RGS20: variants seen among roughly 807,000 people sequenced by gnomAD.
RGS20 encodes the protein gz-selective GTPase-activating protein.
RGS20 carries 30 observed loss-of-function variants against 33.6 expected under a neutral mutation model. The observed-to-expected ratio is 0.89, with a 90% confidence interval of 0.67 to 1.21. RGS20 has a LOEUF of 1.21. Ranked by LOEUF, RGS20 falls within the 50% of genes most tolerant of loss-of-function variation. RGS20 has a pLI of 0.00. For missense variants in RGS20, 472 were observed against 502.4 expected (o/e 0.94, Z 0.58); for synonymous variants, 208 against 197.9 (o/e 1.05, Z -0.43).
intron 1 of RGS20, among the ~76,000 whole-genome samples, chr8:53,875,429 C>CAAAAAAAAAA (rs755991643): frequency 1.8e-5 from 1 of 55,698 alleles, no homozygotes; most frequent in African/African-American, 6.3e-5. Context: ...AAGACTCTGT[C>CAAAAAAAAAA]AAAAAAAAAA....
intron 5 of RGS20, 53 bp downstream of exon 4, chr8:53,954,363 T>C: frequency 1.6e-6 from 2 of 1,259,630 alleles, no homozygotes; most frequent in Non-Finnish European, 2.3e-6. Flanking sequence ...ATTAACTTGG[T>C]GCAAAAGTAA....
In RGS20 at chr8:53,877,840, C is replaced by T. The variant is rs536208255; in HGVS notation, c.166-1418C>T. Among the ~76,000 whole-genome samples, 16 of 152,358 alleles carry T rather than the reference C, an allele frequency of 1.1e-4. No individual in the cohort carries two copies. The highest frequency in any genetic ancestry group is 3.6e-4 in the African/African-American group (15 of 41,592). ...ACTCGCGGCTTCCCAGAAAGGGCCTCATGAATGAGAATGGGTTGCTAGGTT... is the reference window on the plus strand; with the variant it reads ...ACTCGCGGCTTCCCAGAAAGGGCCTTATGAATGAGAATGGGTTGCTAGGTT... On this transcript the variant is annotated intron_variant, in intron 1 of 5. Transcript: ENST00000297313. This position sits in a 1 kb window ranked among gnomAD's most constrained non-coding sequence, Gnocchi z 5.7.
chr8:53,855,586 C>T (rs1030153602), intron 1 of RGS20, among the ~76,000 whole-genome samples: 31 of 152,136 alleles, frequency 2.0e-4, no homozygotes, highest in African/African-American at 7.5e-4. Context: ...CGTGCACACA[C>T]AGAAATGAGT....
At chr8:53,896,830 G>T (rs1002435313) in intron 2 of RGS20, among the ~76,000 whole-genome samples, 1 of 152,208 alleles carries the variant, frequency 6.6e-6, no homozygotes, top group African/African-American at 2.4e-5. Flanking sequence ...ATGCACAAAG[G>T]TTTTGTGGCT....
At chr8:53,929,539 A>G (rs77328072) in intron 2 of RGS20, among the ~76,000 whole-genome samples, 7,529 of 152,210 alleles carry the variant, frequency 0.049, 487 homozygotes, top group African/African-American at 0.15. Context: ...ATGGTGGCGG[A>G]CGCCTGTAAT....
Position 53,879,607 on chromosome 8 carries a change from G to C in RGS20, c.510+5G>C. 2 of 1,482,606 alleles carry C rather than the reference G, an allele frequency of 1.3e-6. No homozygotes were observed. Among genetic ancestry groups the C allele is most frequent in the Non-Finnish European group, 8.9e-7 (1 of 1,121,774 alleles). 91.8% of individuals were successfully genotyped at this position (1,482,606 alleles called of 1,614,324 possible). A position where few individuals can be genotyped will look rare whatever the true frequency, so the allele number is the denominator to read the frequency against. On this transcript the variant is annotated splice_donor_5th_base_variant and intron_variant, in intron 2 of 5. Transcript: ENST00000297313. The stretch of plus-strand genomic sequence containing the variant: ...GGGCAGAGCTCGCCTATGCCGGTGA[G>C]TACCGTGGTCTCCACTACGCCCCAC...
At chr8:53,949,802 A>G (rs1043241151) in intron 4 of RGS20, among the ~76,000 whole-genome samples, 1 of 152,038 alleles carries the variant, frequency 6.6e-6, no homozygotes, top group Non-Finnish European at 1.5e-5. Flanking sequence ...TAAGTAAAGA[A>G]AGTGGTCTAA....
At chr8:53,878,396 C>T (rs1812255732) in intron 1 of RGS20, among the ~76,000 whole-genome samples, 1 of 152,006 alleles carries the variant, frequency 6.6e-6, no homozygotes, top group Admixed American at 6.6e-5. Flanking sequence ...GAGTGTAGAA[C>T]CGTGGGTTTC....
intron 2 of RGS20, among the ~76,000 whole-genome samples, chr8:53,890,347 T>C (rs1176085449): frequency 1.3e-5 from 2 of 152,242 alleles, no homozygotes; most frequent in Non-Finnish European, 2.9e-5. Context: ...AAATTTCCCA[T>C]CTTTTCATCA....
intron 4 of RGS20, among the ~76,000 whole-genome samples, chr8:53,950,645 C>T (rs536403864): frequency 6.9e-4 from 104 of 150,934 alleles, no homozygotes; most frequent in African/African-American, 2.4e-3. Flanking sequence ...GACAGGGTCT[C>T]ATTCTGTCAC....
chr8:53,920,547 G>A (rs895816427), intron 2 of RGS20, among the ~76,000 whole-genome samples: 25 of 152,028 alleles, frequency 1.6e-4, no homozygotes, highest in Admixed American at 3.9e-4. Context: ...CCTTACTGCC[G>A]AGGCTGGAGT....
At chr8:53,873,000 G>T (rs903926673) in intron 1 of RGS20, among the ~76,000 whole-genome samples, 1 of 152,098 alleles carries the variant, frequency 6.6e-6, no homozygotes, top group Non-Finnish European at 1.5e-5. Flanking sequence ...AGTGTTGGAG[G>T]CATGACCTGG....
At chr8:53,891,474 A>T (rs961282924) in intron 2 of RGS20, among the ~76,000 whole-genome samples, 16 of 152,158 alleles carry the variant, frequency 1.1e-4, no homozygotes, top group Non-Finnish European at 1.3e-4. Context: ...CAAAAAAATT[A>T]GCCAGGTGTG....
intron 2 of RGS20, among the ~76,000 whole-genome samples, chr8:53,935,837 C>T (rs550960030): frequency 3.3e-5 from 5 of 152,238 alleles, no homozygotes; most frequent in East Asian, 1.9e-4. Context: ...AACATCAATG[C>T]GAACATCCTC....
chr8:53,893,244 A>G (rs1360551669), intron 2 of RGS20, among the ~76,000 whole-genome samples: 1 of 152,200 alleles, frequency 6.6e-6, no homozygotes, highest in Non-Finnish European at 1.5e-5. Flanking sequence ...AATGATTTAA[A>G]TATAATTAAT....
Position 53,859,968 on chromosome 8 carries a change from A to G in RGS20, c.165+7904A>G, listed in dbSNP as rs376062086. 7.2e-5 allele frequency among the ~76,000 whole-genome samples: 11 copies of G among 152,298 alleles called. No homozygotes were observed. In the East Asian group the frequency reaches 9.6e-4, roughly 13 times the overall value. On this transcript the variant is annotated intron_variant, in intron 1 of 5. Coordinates refer to ENST00000297313, the MANE Select transcript of RGS20 (RefSeq NM_170587.4). The stretch of plus-strand genomic sequence containing the variant: ...TATGGGAGCTACAATTCAAGATGAG[A>G]TTTTGGTGGGGACACAGCCAAACCA...
At chr8:53,852,084 C>G in intron 1 of RGS20, 1 of 1,585,208 alleles carries the variant, frequency 6.3e-7, no homozygotes, top group Non-Finnish European at 8.6e-7. Flanking sequence ...TTTCCACAAT[C>G]CATGATCCTT....
intron 2 of RGS20, among the ~76,000 whole-genome samples, chr8:53,921,776 T>C (rs368035481): frequency 6.6e-5 from 10 of 152,304 alleles, no homozygotes; most frequent in South Asian, 6.2e-4. Context: ...ATTTTGTTGA[T>C]CTTTTCAAAT....
At chr8:53,918,280 G>A (rs1813546841) in intron 2 of RGS20, among the ~76,000 whole-genome samples, 1 of 152,068 alleles carries the variant, frequency 6.6e-6, no homozygotes, top group South Asian at 2.1e-4. Context: ...TTTACTTCCA[G>A]TCTCTATGGA....
Sources: gnomAD v4.1 joint callset for allele counts (sites outside exome capture counted in the v4.1 genomes callset) on GRCh38, gnomAD v4.1.1 for gene constraint, Gnocchi (gnomAD v3.1) non-coding constraint, MANE v1.5 for transcripts, NCBI Gene and HGNC (gene_info 2026-07-23, HGNC 2026-07-21) for gene names.